TNRC18: variants seen among roughly 807,000 people sequenced by gnomAD.
The protein encoded by TNRC18 is trinucleotide repeat containing 18, also known as trinucleotide repeat-containing gene 18 protein.
A neutral mutation model predicts 226.7 loss-of-function variants in TNRC18; 69 were observed. The observed-to-expected ratio is 0.30, with a 90% CI of 0.25 to 0.37. TNRC18 has a LOEUF of 0.37. Among genes scored for constraint, TNRC18 ranks in the 10% least tolerant of loss-of-function variants. The pLI, the probability that TNRC18 is intolerant of heterozygous loss-of-function variation, is 1.00. For synonymous variants in TNRC18, 2,449 were observed against 1,927.6 expected, an observed-to-expected ratio of 1.27 and a Z score of -7.09; for missense variants, 4,754 against 4,256.6, an observed-to-expected ratio of 1.12 and a Z score of -3.25.
intron 10 of TNRC18, among the ~76,000 whole-genome samples, chr7:5,372,169 G>T (rs991895180): frequency 6.6e-6 from 1 of 150,640 alleles, no homozygotes; most frequent in South Asian, 2.1e-4. Flanking sequence ...CTGGGTTCAC[G>T]CCCTTCTCCT....
chr7:5,357,119 C>G lies in TNRC18; in HGVS notation c.4991G>C (p.Arg1664Thr). 2.6e-6 allele frequency: 4 copies of G among 1,554,414 alleles called. No individual in the cohort carries two copies. Among genetic ancestry groups the G allele is most frequent in the Non-Finnish European group, 3.5e-6 (4 of 1,148,234 alleles). Residue 1664 changes from arginine (R) to threonine (T), a missense_variant, in exon 16 of 30, where the codon AGG (arginine) becomes ACG (threonine). Coordinates refer to ENST00000430969, the MANE Select transcript of TNRC18 (RefSeq NM_001080495.3). ...CAGGCTGTCGTAAGGAGTCAAGTAC[C>G]TGCCGCAGCCCCCGCTAGTTTTCGA... ...GKSKTSGGCG[R>T]YLTPYDSLLG... is the part of the protein sequence containing the mutation.
chr7:5,307,923 T>G lies in TNRC18; in HGVS notation c.*183A>C. The G allele has an allele frequency of 1.6e-6, 1 of 616,280 alleles. No homozygotes were observed. Among genetic ancestry groups the G allele is most frequent in the Non-Finnish European group, 2.9e-6 (1 of 350,792 alleles). The allele number at this position is 616,280 out of a possible 1,614,324, so 38.2% of individuals were successfully genotyped here. A position where few individuals can be genotyped will look rare whatever the true frequency, so the allele number is the denominator to read the frequency against. On this transcript the variant is annotated 3_prime_UTR_variant, in exon 30 of 30. Coordinates refer to ENST00000430969, the MANE Select transcript of TNRC18 (RefSeq NM_001080495.3). ...AGGTGGGGCTGGAGGCATGTGCACA[T>G]GCGTGCACACACGTGCATGCACACA...
Position 5,313,427 on chromosome 7 carries a change from C to T in TNRC18, c.7464G>A (p.Gly2488=). 6 of 1,608,386 alleles carry T rather than the reference C, an allele frequency of 3.7e-6. No homozygotes were observed. The highest frequency in any genetic ancestry group is 5.1e-6 in the Non-Finnish European group (6 of 1,177,942). Residue 2488 remains glycine (G), a synonymous_variant, in exon 27 of 30, where the codon GGG becomes GGA. Coordinates refer to ENST00000430969, the MANE Select transcript of TNRC18 (RefSeq NM_001080495.3). ...KEALLLREDP[G]AGGWQEPKSL... ...TCTTGGGCTCCTGCCAGCCCCCCGC[C>T]CCCGGATCCTCCCGGAGCAGCAGGG... is the stretch of plus-strand genomic sequence containing the variant.
chr7:5,332,802 G>T lies in TNRC18; in HGVS notation c.5967C>A (p.Ser1989Arg). 6.6e-7 allele frequency: 1 copy of T among 1,511,018 alleles called. No individual in the cohort carries two copies. 93.6% of individuals were successfully genotyped at this position (1,511,018 alleles called of 1,614,324 possible). ...GGCGCCGCGTCCACAGGTCGTCGTCGCTGGCCTCGGGCCCCGCCTCGAAGC... is the reference window on the plus strand; with the variant it reads ...GGCGCCGCGTCCACAGGTCGTCGTCTCTGGCCTCGGGCCCCGCCTCGAAGC... ...EPGFEAGPEA[S>R]DDDLWTRRRS... The change falls in exon 19 of 30, where the codon AGC becomes AGA. Residue 1989 changes from serine to arginine, a missense_variant. Physicochemically the swap from Ser to Arg is moderately radical, Grantham distance 110. Coordinates refer to ENST00000430969, the MANE Select transcript of TNRC18 (RefSeq NM_001080495.3).
intron 18 of TNRC18, among the ~76,000 whole-genome samples, chr7:5,340,088 T>C (rs1293378927): frequency 6.6e-6 from 1 of 152,138 alleles, no homozygotes; most frequent in African/African-American, 2.4e-5. Context: ...AAGCTAGAAA[T>C]GATTAAACTT....
At chr7:5,339,525 C>T (rs937525537) in intron 18 of TNRC18, among the ~76,000 whole-genome samples, 1 of 149,546 alleles carries the variant, frequency 6.7e-6, no homozygotes, top group African/African-American at 2.5e-5. Context: ...CAGGCGCGAG[C>T]TATCGTGCCC....
chr7:5,340,576 A>G (rs1029313377), intron 18 of TNRC18, among the ~76,000 whole-genome samples: 18 of 1,900 alleles, frequency 9.5e-3, no homozygotes, highest in African/African-American at 0.077. Flanking sequence ...ATCTCTACTA[A>G]AAAAAAAAAC....
At chr7:5,397,267 T>C (rs1392481226) in intron 2 of TNRC18, among the ~76,000 whole-genome samples, 1 of 152,020 alleles carries the variant, frequency 6.6e-6, no homozygotes, top group Non-Finnish European at 1.5e-5. Context: ...GGTAGAAGGC[T>C]CCGGAAGCCA....
At chr7:5,338,025 T>C (rs1280476230) in intron 18 of TNRC18, among the ~76,000 whole-genome samples, 1 of 152,078 alleles carries the variant, frequency 6.6e-6, no homozygotes, top group African/African-American at 2.4e-5. Flanking sequence ...ACATTGTCTT[T>C]AGGGGTTGAT....
chr7:5,370,659 T>C lies in TNRC18; in HGVS notation c.3935A>G (p.Glu1312Gly). 1 of 1,612,844 alleles carries C rather than the reference T, an allele frequency of 6.2e-7. No individual in the cohort carries two copies. The highest frequency in any genetic ancestry group is 8.5e-7 in the Non-Finnish European group (1 of 1,179,728). ...EGQCPSLEPQ[E>G]AVPVLGSTCF... ...GGTGCTGCCGAGTACAGGCACGGCC[T>C]CTTGGGGCTCCAGGCTCGGGCACTG... Residue 1312 changes from glutamate to glycine, a missense_variant, in exon 11 of 30, where the codon GAG becomes GGG. By Grantham distance (98) the Glu-to-Gly change is moderately conservative (BLOSUM62 -2). Transcript: ENST00000430969.
Position 5,421,392 on chromosome 7 carries a change from G to A in TNRC18, c.-146C>T. 4.1e-6 allele frequency: 3 copies of A among 734,806 alleles called. No individual in the cohort carries two copies. Among genetic ancestry groups the A allele is most frequent in the South Asian group, 6.2e-5 (1 of 16,092 alleles). 45.5% of individuals were successfully genotyped at this position (734,806 alleles called of 1,614,324 possible). On this transcript the variant is annotated 5_prime_UTR_variant, in exon 2 of 30. Transcript: ENST00000430969. Reference sequence around the variant, plus strand: ...CATGGCGGCGGCCAGCGGGGCTTGCGCTCGGCGGCGGGCCCGCGGCCCGGG... The same window carrying A: ...CATGGCGGCGGCCAGCGGGGCTTGCACTCGGCGGCGGGCCCGCGGCCCGGG...
chr7:5,420,532 C>T, intron 2 of TNRC18: 2 of 445,232 alleles, frequency 4.5e-6, no homozygotes, highest in Non-Finnish European at 9.1e-6. Flanking sequence ...GCTGGGGTCA[C>T]CGTACTCCCG....
intron 11 of TNRC18, among the ~76,000 whole-genome samples, 189 bp downstream of exon 11, chr7:5,370,186 G>A (rs909026480): frequency 2.6e-5 from 4 of 152,092 alleles, no homozygotes; most frequent in Non-Finnish European, 5.9e-5. Context: ...AGCTGGGCAT[G>A]GTGGTGGACG....
At chr7:5,360,579 A>G (rs974288827) in intron 14 of TNRC18, among the ~76,000 whole-genome samples, 1 of 151,982 alleles carries the variant, frequency 6.6e-6, no homozygotes, top group African/African-American at 2.4e-5. Flanking sequence ...AAAAGCTAAC[A>G]CCTGGCCCGA....
At chr7:5,325,639 T>G (rs1788839014) in intron 19 of TNRC18, 2 of 200,004 alleles carry the variant, frequency 1.0e-5, no homozygotes, top group African/African-American at 2.4e-5. Flanking sequence ...TTTGCGAGGA[T>G]GGTCTCGATC....
rs769235360 is a variant in TNRC18, at chr7:5,345,775, G to GCTC, written c.5503_5505dup (p.Glu1835dup). ...CCGCTGGCCTCGTCCTCCTCCTCGAGCTCCTCCTCCTCGTCCTCCTCCTCC... is the reference window on the plus strand; with the variant it reads ...CCGCTGGCCTCGTCCTCCTCCTCGAGCTCCTCCTCCTCCTCGTCCTCCTCCTCC... On this transcript the variant is annotated inframe_insertion, in exon 18 of 30. Transcript: ENST00000430969. The GCTC allele has an allele frequency of 6.5e-7, 1 of 1,546,362 alleles. No individual in the cohort carries two copies. Among genetic ancestry groups the GCTC allele is most frequent in the South Asian group, 1.2e-5 (1 of 83,536 alleles).
Position 5,308,946 on chromosome 7 carries a change from A to G in TNRC18, c.8629T>C (p.Trp2877Arg), listed in dbSNP as rs773971393. The change falls in exon 29 of 30, where the codon TGG (tryptophan) becomes CGG (arginine). Residue 2877 changes from tryptophan to arginine, a missense_variant. Physicochemically the swap from Trp to Arg is moderately radical, Grantham distance 101. Transcript: ENST00000430969. Reference protein sequence around the residue: ...PGKQFHQGQHWDQKSSRSLPA... With the variant: ...PGKQFHQGQHRDQKSSRSLPA... Reference sequence around the variant, plus strand: ...AGGCTGCGGCTGGACTTCTGGTCCCAGTGCTGTGTGGGGGAGAGAGGAGGG... The same window carrying G: ...AGGCTGCGGCTGGACTTCTGGTCCCGGTGCTGTGTGGGGGAGAGAGGAGGG... 18 of 1,556,426 alleles carry G rather than the reference A, an allele frequency of 1.2e-5. No individual in the cohort carries two copies. In the African/African-American group the frequency reaches 1.7e-4, roughly 15 times the overall value.
chr7:5,418,464 G>A (rs1344059478), intron 2 of TNRC18, among the ~76,000 whole-genome samples: 3 of 152,136 alleles, frequency 2.0e-5, no homozygotes, highest in Admixed American at 6.5e-5. Context: ...ATTCCTCCCC[G>A]GGGATCTTTC....
chr7:5,381,403 C>A (rs573637675), intron 5 of TNRC18, among the ~76,000 whole-genome samples: 1 of 152,250 alleles, frequency 6.6e-6, no homozygotes, highest in South Asian at 2.1e-4. Context: ...CTGGGCCACA[C>A]ACACACCATT....
Sources: allele counts gnomAD v4.1 joint callset (sites outside exome capture counted in the v4.1 genomes callset), GRCh38; gene constraint gnomAD v4.1.1; transcripts MANE v1.5; gene names NCBI Gene and HGNC (gene_info 2026-07-23, HGNC 2026-07-21).